The following PTPRD variants were observed in gnomAD, a reference collection of about 807,000 sequenced individuals.
PTPRD encodes the protein receptor-type tyrosine-protein phosphatase delta.
Under a neutral mutation model 214.5 loss-of-function variants are expected in PTPRD, and 34 were observed. The ratio of observed to expected loss-of-function variants is 0.16; its 90% CI spans 0.12 to 0.21. PTPRD has a LOEUF of 0.21. Among genes scored for constraint, PTPRD ranks in the 10% least tolerant of loss-of-function variants. The pLI, the probability that PTPRD is intolerant of heterozygous loss-of-function variation, is 1.00. For missense variants in PTPRD, 2,545 were observed against 2,398.7 expected, an observed-to-expected ratio of 1.06 and a Z score of -1.27; for synonymous variants, 1,128 against 845.7, an observed-to-expected ratio of 1.33 and a Z score of -5.79.
At chr9:10,092,271 G>T (rs1209485568) in intron 3 of PTPRD, among the ~76,000 whole-genome samples, 1 of 151,366 alleles carries the variant, frequency 6.6e-6, no homozygotes, top group Non-Finnish European at 1.5e-5. Context: ...TATAATTGCA[G>T]ATATGCTTCT....
At chr9:8,480,831 T>C (rs1308416882) in intron 30 of PTPRD, among the ~76,000 whole-genome samples, 4 of 152,116 alleles carry the variant, frequency 2.6e-5, no homozygotes, top group Non-Finnish European at 5.9e-5. Flanking sequence ...TCCATTCTCA[T>C]TTTCAGATTT....
chr9:9,640,814 C>A (rs1248504437), intron 7 of PTPRD, among the ~76,000 whole-genome samples: 1 of 152,176 alleles, frequency 6.6e-6, no homozygotes, highest in Non-Finnish European at 1.5e-5. Flanking sequence ...TGGCCCTAGG[C>A]CATCTATCCA....
intron 7 of PTPRD, among the ~76,000 whole-genome samples, chr9:9,710,986 G>A (rs1037749297): frequency 2.6e-5 from 4 of 152,048 alleles, no homozygotes; most frequent in Non-Finnish European, 5.9e-5. Flanking sequence ...GTGTGTGTGT[G>A]TGTGTGTGTA....
At chr9:10,318,391 C>A (rs979612923) in intron 3 of PTPRD, among the ~76,000 whole-genome samples, 3 of 151,938 alleles carry the variant, frequency 2.0e-5, no homozygotes, top group Non-Finnish European at 2.9e-5. Context: ...GTTACTTCAC[C>A]TCCAGGTGTG....
At chr9:9,996,564 C>G (rs1209887632) in intron 4 of PTPRD, among the ~76,000 whole-genome samples, 1 of 152,138 alleles carries the variant, frequency 6.6e-6, no homozygotes, top group Non-Finnish European at 1.5e-5. Context: ...GACCTTGAGC[C>G]TTTGTGAAAG....
intron 2 of PTPRD, among the ~76,000 whole-genome samples, chr9:10,524,383 A>C (rs1195156162): frequency 6.6e-6 from 1 of 152,064 alleles, no homozygotes; most frequent in African/African-American, 2.4e-5. Context: ...TACTAGTTTT[A>C]TTTTTTAATT....
At chr9:8,617,761 G>A (rs1226838559) in intron 14 of PTPRD, among the ~76,000 whole-genome samples, 1 of 151,988 alleles carries the variant, frequency 6.6e-6, no homozygotes, top group Non-Finnish European at 1.5e-5. Flanking sequence ...ATTTCTATAA[G>A]TGTATTTATA....
chr9:9,842,169 A>T (rs2058484855), intron 5 of PTPRD, among the ~76,000 whole-genome samples: 1 of 151,894 alleles, frequency 6.6e-6, no homozygotes, highest in Non-Finnish European at 1.5e-5. Context: ...TTATGCTTAA[A>T]TTTTTTCTTT....
chr9:9,537,620 A>G (rs1370035357), intron 8 of PTPRD, among the ~76,000 whole-genome samples: 1 of 152,024 alleles, frequency 6.6e-6, no homozygotes, highest in African/African-American at 2.4e-5. Context: ...GCATAGTTCA[A>G]TAGAATTCCC....
At chr9:10,429,627 G>T (rs1286981501) in intron 2 of PTPRD, among the ~76,000 whole-genome samples, 1 of 151,552 alleles carries the variant, frequency 6.6e-6, no homozygotes, top group Admixed American at 6.6e-5. Context: ...GATAAAAAAT[G>T]TGTTCACATA....
At chr9:8,348,153 T>C (rs1053109436) in intron 39 of PTPRD, among the ~76,000 whole-genome samples, 3 of 152,300 alleles carry the variant, frequency 2.0e-5, no homozygotes, top group Admixed American at 1.3e-4. Context: ...ATAGTTATTT[T>C]CCATTTTAGG....
At chr9:9,419,791 A>G (rs1277448656) in intron 8 of PTPRD, among the ~76,000 whole-genome samples, 1 of 151,812 alleles carries the variant, frequency 6.6e-6, no homozygotes, top group African/African-American at 2.4e-5. Flanking sequence ...TGCAAGGAAA[A>G]CAAAATGTAA....
chr9:10,525,274 G>A (rs2053891582), intron 2 of PTPRD, among the ~76,000 whole-genome samples: 1 of 151,904 alleles, frequency 6.6e-6, no homozygotes, highest in Non-Finnish European at 1.5e-5. Context: ...AATAACATTA[G>A]AAACATGTAG....
intron 10 of PTPRD, among the ~76,000 whole-genome samples, chr9:9,052,741 T>C (rs981964152): frequency 6.6e-6 from 1 of 152,198 alleles, no homozygotes; most frequent in Non-Finnish European, 1.5e-5. Flanking sequence ...TGTAAAGAAG[T>C]CACTGATTCC....
chr9:9,225,709 C>A (rs894321498), intron 9 of PTPRD, among the ~76,000 whole-genome samples: 23 of 151,876 alleles, frequency 1.5e-4, no homozygotes, highest in Non-Finnish European at 1.3e-4. Context: ...AGTTTCACAA[C>A]AGGAAGATGG....
chr9:8,971,335 T>A (rs1010669409), intron 11 of PTPRD, among the ~76,000 whole-genome samples: 1 of 151,386 alleles, frequency 6.6e-6, no homozygotes, highest in Non-Finnish European at 1.5e-5. Flanking sequence ...AATGAGAAAT[T>A]AAAAAAAACC....
chr9:8,590,342 G>T (rs545114684), intron 14 of PTPRD, among the ~76,000 whole-genome samples: 3 of 152,052 alleles, frequency 2.0e-5, no homozygotes, highest in Admixed American at 1.3e-4. Flanking sequence ...AGTTAATTAC[G>T]TCTTCCAAGG....
intron 2 of PTPRD, among the ~76,000 whole-genome samples, chr9:10,461,689 A>G (rs1588694509): frequency 6.7e-6 from 1 of 149,136 alleles, no homozygotes; most frequent in South Asian, 2.1e-4. Flanking sequence ...GTGGCACGAT[A>G]TCAGCTCACT....
chr9:8,927,638 T>C (rs553264124), intron 11 of PTPRD, among the ~76,000 whole-genome samples: 115 of 152,340 alleles, frequency 7.5e-4, no homozygotes, highest in Non-Finnish European at 1.5e-3. Flanking sequence ...TCCAAGTCTT[T>C]GCTATTGTGA....
Sources: gnomAD v4.1 joint callset for allele counts (sites outside exome capture counted in the v4.1 genomes callset) on GRCh38, gnomAD v4.1.1 for gene constraint, MANE v1.5 for transcripts, NCBI Gene and HGNC (gene_info 2026-07-23, HGNC 2026-07-21) for gene names.